Variants in NAALADL2 observed in about 807,000 individuals in gnomAD.
NAALADL2 encodes the protein N-acetylated alpha-linked acidic dipeptidase like 2.
NAALADL2 carries 76 observed loss-of-function variants against 87.2 expected under a neutral mutation model. That is an observed-to-expected ratio of 0.87 (90% CI 0.72 to 1.05). The LOEUF (loss-of-function observed/expected upper bound fraction) is 1.05. Ranked by LOEUF, NAALADL2 falls within the 50% of genes least tolerant of loss-of-function variation. The pLI, the probability that NAALADL2 is intolerant of heterozygous loss-of-function variation, is 0.00. For synonymous variants in NAALADL2, 354 were observed against 331.0 expected (o/e 1.07, Z -0.75); for missense variants, 1,089 against 945.8 (o/e 1.15, Z -1.99).
intron 3 of NAALADL2, among the ~76,000 whole-genome samples, chr3:174,849,734 C>CAAA (rs57620256): frequency 6.7e-4 from 42 of 62,726 alleles, no homozygotes; most frequent in Middle Eastern, 8.5e-3. Flanking sequence ...GACTCTGACT[C>CAAA]AAAAAAAAAA....
intron 2 of NAALADL2, among the ~76,000 whole-genome samples, chr3:174,625,589 A>G (rs1721492943): frequency 6.6e-6 from 1 of 151,848 alleles, no homozygotes. Context: ...TTATAATTTT[A>G]AAATCCTAAA....
intron 11 of NAALADL2, among the ~76,000 whole-genome samples, chr3:175,721,356 T>G (rs1043571671): frequency 6.6e-6 from 1 of 152,050 alleles, no homozygotes; most frequent in Non-Finnish European, 1.5e-5. Flanking sequence ...CACAAAATAA[T>G]AAAATAAATG....
intron 1 of NAALADL2, among the ~76,000 whole-genome samples, chr3:174,548,646 A>G (rs1182624028): frequency 6.6e-6 from 1 of 152,164 alleles, no homozygotes; most frequent in African/African-American, 2.4e-5. Flanking sequence ...TCATCTGTGA[A>G]CGGTGCTAAC....
At chr3:175,514,550 C>T (rs1317418843) in intron 9 of NAALADL2, among the ~76,000 whole-genome samples, 3 of 152,102 alleles carry the variant, frequency 2.0e-5, no homozygotes, top group Non-Finnish European at 4.4e-5. Context: ...TTTGTGATCT[C>T]GCTCCTTTAC....
intron 2 of NAALADL2, among the ~76,000 whole-genome samples, chr3:174,695,924 A>C (rs1387506418): frequency 8.6e-5 from 13 of 152,028 alleles, no homozygotes; most frequent in Admixed American, 8.5e-4. Context: ...CAAAGGGCTA[A>C]GAGATAGTAT....
At chr3:175,543,329 A>G (rs1712716152) in intron 9 of NAALADL2, among the ~76,000 whole-genome samples, 1 of 152,090 alleles carries the variant, frequency 6.6e-6, no homozygotes, top group South Asian at 2.1e-4. Context: ...AAAAATGAAC[A>G]CCATATTGAT....
chr3:174,778,893 G>T (rs1024381565), intron 3 of NAALADL2, among the ~76,000 whole-genome samples: 1 of 152,154 alleles, frequency 6.6e-6, no homozygotes, highest in Non-Finnish European at 1.5e-5. Flanking sequence ...AGGCATTTGT[G>T]TTGGCTCCAA....
intron 3 of NAALADL2, 84 bp from the exon 4 acceptor site, chr3:175,256,327 A>C: frequency 8.0e-7 from 1 of 1,252,696 alleles, no homozygotes; most frequent in East Asian, 2.5e-5. Context: ...AATTATGATG[A>C]ATAATTTTGT....
intron 1 of NAALADL2, among the ~76,000 whole-genome samples, chr3:174,951,914 T>G (rs944787278): frequency 6.6e-6 from 1 of 152,078 alleles, no homozygotes; most frequent in African/African-American, 2.4e-5. Context: ...ATCAAACCCT[T>G]TATTCCAAGC....
intron 5 of NAALADL2, among the ~76,000 whole-genome samples, chr3:175,443,963 T>C (rs1581913711): frequency 2.0e-5 from 3 of 152,252 alleles, no homozygotes; most frequent in Admixed American, 2.0e-4. Context: ...TTTAGATGCA[T>C]GTGATGCATG....
chr3:175,643,850 G>A (rs750026493), intron 11 of NAALADL2, among the ~76,000 whole-genome samples: 16 of 152,146 alleles, frequency 1.1e-4, no homozygotes, highest in Admixed American at 3.3e-4. Flanking sequence ...TACATACACA[G>A]GCGGCCTCTA....
chr3:175,714,857 C>T (rs1215713510), intron 11 of NAALADL2, among the ~76,000 whole-genome samples: 2 of 152,088 alleles, frequency 1.3e-5, no homozygotes, highest in Non-Finnish European at 2.9e-5. Context: ...GGACCCCTTC[C>T]TTACACCTTA....
chr3:174,589,708 G>T (rs1389301567), intron 2 of NAALADL2, among the ~76,000 whole-genome samples: 1 of 152,098 alleles, frequency 6.6e-6, no homozygotes, highest in African/African-American at 2.4e-5. Context: ...ATAAACAGCT[G>T]TCAATCAAAA....
intron 13 of NAALADL2, among the ~76,000 whole-genome samples, chr3:175,767,047 A>C (rs561246621): frequency 3.3e-4 from 50 of 152,268 alleles, no homozygotes; most frequent in Admixed American, 5.2e-4. Flanking sequence ...GTTCAAATGA[A>C]AGCTTACATG....
At chr3:175,771,879 C>A (rs1227108962) in intron 13 of NAALADL2, among the ~76,000 whole-genome samples, 1 of 152,106 alleles carries the variant, frequency 6.6e-6, no homozygotes, top group Non-Finnish European at 1.5e-5. Flanking sequence ...GAAACTTATA[C>A]ATAGCAGCAG....
intron 10 of NAALADL2, among the ~76,000 whole-genome samples, chr3:175,589,134 G>A (rs1720998106): frequency 6.6e-6 from 1 of 152,086 alleles, no homozygotes; most frequent in Non-Finnish European, 1.5e-5. Context: ...AAGAAAGAAG[G>A]GAGTGTTGGT....
intron 2 of NAALADL2, among the ~76,000 whole-genome samples, chr3:175,131,968 C>G (rs1728027701): frequency 8.1e-6 from 1 of 123,940 alleles, no homozygotes; most frequent in South Asian, 2.7e-4. Context: ...CCCTCACCTC[C>G]CGGACGGGGC....
intron 4 of NAALADL2, among the ~76,000 whole-genome samples, chr3:175,289,996 G>A (rs1241276002): frequency 2.0e-5 from 3 of 152,094 alleles, no homozygotes; most frequent in African/African-American, 7.2e-5. Context: ...TTAATTGTCA[G>A]GGAGATAGAA....
chr3:175,069,661 G>A (rs1344220973), intron 1 of NAALADL2, among the ~76,000 whole-genome samples: 2 of 151,244 alleles, frequency 1.3e-5, no homozygotes, highest in Non-Finnish European at 1.5e-5. Context: ...CCCATTACTG[G>A]GTATATACCC....
Sources: gnomAD v4.1 joint callset for allele counts (sites outside exome capture counted in the v4.1 genomes callset) on GRCh38, gnomAD v4.1.1 for gene constraint, MANE v1.5 for transcripts, NCBI Gene and HGNC (gene_info 2026-07-23, HGNC 2026-07-21) for gene names.